The following FOXP2 variants were observed in gnomAD, a reference collection of about 807,000 sequenced individuals.
The protein encoded by FOXP2 is forkhead box P2.
FOXP2 carries 12 observed loss-of-function variants against 115.8 expected under a neutral mutation model. The ratio of observed to expected loss-of-function variants is 0.10; its 90% CI spans 0.07 to 0.17. FOXP2 has a LOEUF of 0.17. Among genes scored for constraint, FOXP2 ranks in the 10% least tolerant of loss-of-function variants. FOXP2 has a pLI of 1.00. For synonymous variants in FOXP2, 328 were observed against 297.7 expected (o/e 1.10, Z -1.05); for missense variants, 629 against 843.5 (o/e 0.75, Z 3.15).
At chr7:114,210,896 C>T (rs1481067654) in intron 1 of FOXP2, among the ~76,000 whole-genome samples, 2 of 152,090 alleles carry the variant, frequency 1.3e-5, no homozygotes, top group Non-Finnish European at 2.9e-5. Flanking sequence ...GATCGGGGTC[C>T]CACTTAAAGA....
intron 2 of FOXP2, among the ~76,000 whole-genome samples, chr7:114,403,892 A>G (rs1244699496): frequency 6.6e-6 from 1 of 152,194 alleles, no homozygotes; most frequent in African/African-American, 2.4e-5. Context: ...CCCGGGGACC[A>G]AAATACCTCA....
chr7:114,655,164 T>G (rs1470508110), intron 10 of FOXP2, among the ~76,000 whole-genome samples: 1 of 152,202 alleles, frequency 6.6e-6, no homozygotes, highest in Admixed American at 6.6e-5. Flanking sequence ...CATGTATTTA[T>G]GACTATCTTT....
chr7:114,644,970 A>G (rs1296993801), intron 8 of FOXP2, 181 bp downstream of exon 8: 11 of 538,786 alleles, frequency 2.0e-5, no homozygotes, highest in Non-Finnish European at 3.3e-5. Flanking sequence ...TTTCATTAAG[A>G]TATTTTACAA....
rs565604452 is a variant in FOXP2, at chr7:114,233,750, C to T, written c.-101-54269C>T. On this transcript the variant is annotated intron_variant, in intron 1 of 17. Transcript: ENST00000634411. ...AGCAGTGGCTGGGCATGGTGGCTCACGCCTGTAATCCCAACACTTTGGGTG... is the reference window on the plus strand; with the variant it reads ...AGCAGTGGCTGGGCATGGTGGCTCATGCCTGTAATCCCAACACTTTGGGTG... 1.3e-3 allele frequency among the ~76,000 whole-genome samples: 197 copies of T among 152,344 alleles called. 1 individual carries two copies. The highest frequency in any genetic ancestry group is 4.4e-3 in the African/African-American group (184 of 41,588).
chr7:114,522,443 C>T (rs755534184), intron 2 of FOXP2, among the ~76,000 whole-genome samples: 13 of 152,192 alleles, frequency 8.5e-5, no homozygotes, highest in Non-Finnish European at 1.8e-4. Flanking sequence ...CTTCCTTGGT[C>T]TTCCAGCTAC....
At chr7:114,648,817 C>T (rs1402755748) in intron 8 of FOXP2, among the ~76,000 whole-genome samples, 9 of 152,008 alleles carry the variant, frequency 5.9e-5, no homozygotes, top group Non-Finnish European at 1.3e-4. Context: ...TAAAGTGACC[C>T]ATAAATTAGA....
At chr7:114,316,862 A>G (rs1036030122) in intron 2 of FOXP2, among the ~76,000 whole-genome samples, 8 of 152,230 alleles carry the variant, frequency 5.3e-5, no homozygotes, top group African/African-American at 1.9e-4. Flanking sequence ...TTTCTCCTCT[A>G]AAGACATGAA....
At chr7:114,271,848 AAAT>A (rs1241638529) in intron 1 of FOXP2, among the ~76,000 whole-genome samples, 82 of 123,142 alleles carry the variant, frequency 6.7e-4, no homozygotes, top group African/African-American at 2.6e-3. Flanking sequence ...AAATATTATT[AAAT>A]AATTATTAAA....
rs1455166177 is a variant in FOXP2 at position 114,272,887 on chromosome 7, A to C, written c.-101-15132A>C. Among the ~76,000 whole-genome samples, 3 of 151,828 alleles carry C rather than the reference A, an allele frequency of 2.0e-5. 1 individual carries two copies. Among genetic ancestry groups the C allele is most frequent in the Admixed American group, 1.3e-4 (2 of 15,236 alleles). ...ATTTTACTGATCTTTTCAAAGAATT[A>C]ATTTTTACTTTTGTTGATTTTTTCT... is the stretch of plus-strand genomic sequence containing the variant. On this transcript the variant is annotated intron_variant, in intron 1 of 17. Coordinates refer to the FOXP2 transcript ENST00000634411.
chr7:114,147,946 A>T (rs1792420511), intron 1 of FOXP2, among the ~76,000 whole-genome samples: 1 of 152,132 alleles, frequency 6.6e-6, no homozygotes, highest in African/African-American at 2.4e-5. Flanking sequence ...AATCAGTATC[A>T]CTTCTGGAAG....
intron 2 of FOXP2, among the ~76,000 whole-genome samples, chr7:114,443,875 A>T (rs2129214053): frequency 6.6e-6 from 1 of 152,270 alleles, no homozygotes. Flanking sequence ...TGGTGCTGAG[A>T]TGAATATATG....
chr7:114,690,806 G>T lies in FOXP2; in HGVS notation c.*880G>T, dbSNP rs1808627730. 2.2e-6 allele frequency: 1 copy of T among 454,346 alleles called. No homozygotes were observed. Among genetic ancestry groups the T allele is most frequent in the Non-Finnish European group, 4.4e-6 (1 of 226,782 alleles). The allele number at this position is 454,346 out of a possible 1,614,324, so 28.1% of individuals were successfully genotyped here. ...AAGGACAGAAGCAGCCACATGCTTT[G>T]GTCAGCCTTCTGTAACTTCAATTAG... On this transcript the variant is annotated 3_prime_UTR_variant, in exon 17 of 17. Coordinates refer to ENST00000350908, the MANE Select transcript of FOXP2 (RefSeq NM_014491.4).
chr7:114,319,855 G>T (rs534042321), intron 2 of FOXP2, among the ~76,000 whole-genome samples: 1 of 152,302 alleles, frequency 6.6e-6, no homozygotes, highest in South Asian at 2.1e-4. Context: ...ATTGGGTATT[G>T]TCATGTAGAT....
intron 8 of FOXP2, among the ~76,000 whole-genome samples, chr7:114,651,342 T>C (rs1250412959): frequency 6.6e-6 from 1 of 152,094 alleles, no homozygotes; most frequent in Admixed American, 6.6e-5. Context: ...TACTTGAAGA[T>C]TACTTTCTTT....
chr7:114,244,362 G>A (rs1029062726), intron 1 of FOXP2, among the ~76,000 whole-genome samples: 4 of 152,110 alleles, frequency 2.6e-5, no homozygotes, highest in Non-Finnish European at 4.4e-5. Context: ...CATCATCCAG[G>A]ATACCACATT....
intron 3 of FOXP2, among the ~76,000 whole-genome samples, chr7:114,598,809 A>T (rs114540448): frequency 0.01 from 1,525 of 152,180 alleles, 21 homozygotes; most frequent in African/African-American, 0.035. Flanking sequence ...ATACATAGCT[A>T]TGGATTTTCA....
At position 114,442,962 on chromosome 7, in the gene FOXP2, T is replaced by A. The variant is rs531401341; in HGVS notation, c.168+16283T>A. The stretch of plus-strand genomic sequence containing the variant: ...AAAACAGAGTAAGAGGAAACTCCAA[T>A]TCCAAGTGTAAAGGATTATTCCAAG... On this transcript the variant is annotated intron_variant, in intron 2 of 16. Transcript: ENST00000350908. 1.3e-4 allele frequency among the ~76,000 whole-genome samples: 20 copies of A among 152,276 alleles called. No homozygotes were observed. The South Asian group carries it at 4.1e-3, about 32-fold the overall frequency.
chr7:114,495,112 C>G (rs1797248618), intron 2 of FOXP2, among the ~76,000 whole-genome samples: 5 of 152,150 alleles, frequency 3.3e-5, no homozygotes. Flanking sequence ...ACCACATACA[C>G]AAACTGTAAA....
intron 2 of FOXP2, among the ~76,000 whole-genome samples, chr7:114,352,486 G>C (rs966696317): frequency 1.3e-5 from 2 of 152,142 alleles, no homozygotes; most frequent in African/African-American, 2.4e-5. Flanking sequence ...GTAACAGTCT[G>C]ACAATTCTGA....
Sources: gnomAD v4.1 joint callset for allele counts (sites outside exome capture counted in the v4.1 genomes callset) on GRCh38, gnomAD v4.1.1 for gene constraint, MANE v1.5 for transcripts, NCBI Gene and HGNC (gene_info 2026-07-23, HGNC 2026-07-21) for gene names.